Variants in VRK2 observed in about 807,000 individuals in gnomAD.
VRK2 encodes the protein serine/threonine-protein kinase VRK2.
In VRK2, 60 loss-of-function variants were observed where a neutral mutation model predicts 57.6. That is an observed-to-expected ratio of 1.04 (90% CI 0.85 to 1.29). The LOEUF (loss-of-function observed/expected upper bound fraction) is 1.29. Among genes scored for constraint, VRK2 ranks in the 50% most tolerant of loss-of-function variants. VRK2 has a pLI of 0.00. For synonymous variants in VRK2, 231 were observed against 199.2 expected (o/e 1.16, Z -1.35); for missense variants, 705 against 588.1 (o/e 1.20, Z -2.06).
At chr2:57,974,313 G>C (rs1296815156) in intron 1 of VRK2, among the ~76,000 whole-genome samples, 1 of 151,754 alleles carries the variant, frequency 6.6e-6, no homozygotes, top group Non-Finnish European at 1.5e-5. Flanking sequence ...AATTAAACAA[G>C]ATTTAATTGA....
rs1040921160 is a variant in VRK2 at position 58,021,637 on chromosome 2, C to A, written c.-438-4028C>A. Among the ~76,000 whole-genome samples, 14 of 152,114 alleles carry A rather than the reference C, an allele frequency of 9.2e-5. 1 individual carries two copies. Among genetic ancestry groups the A allele is most frequent in the Admixed American group, 3.3e-4 (5 of 15,272 alleles). ...TCTGTTAATATTAATTCTATCTTTT[C>A]TTTGTAATAGAACTTTCCCTCTTTT... On this transcript the variant is annotated intron_variant, in intron 1 of 15. Coordinates refer to the VRK2 transcript ENST00000417641.
intron 10 of VRK2, among the ~76,000 whole-genome samples, chr2:58,136,942 A>G (rs981939610): frequency 7.4e-5 from 10 of 135,964 alleles, no homozygotes; most frequent in South Asian, 2.2e-4. Context: ...CATATATATT[A>G]TATATCATAT....
rs1341174158 is a variant in VRK2, at chr2:58,122,030, A to G, written c.544-1071A>G. ...TGCTATCTGACTTTTAACAATCTGTATTCTGTTTGGAGACCCTGCTTGCAA... is the reference window on the plus strand; with the variant it reads ...TGCTATCTGACTTTTAACAATCTGTGTTCTGTTTGGAGACCCTGCTTGCAA... On this transcript the variant is annotated intron_variant, in intron 7 of 12. Transcript: ENST00000340157. Among the ~76,000 whole-genome samples the G allele has an allele frequency of 4.6e-5, 7 of 152,348 alleles. No homozygotes were observed. The South Asian group carries it at 6.2e-4, about 14-fold the overall frequency.
chr2:57,919,296 T>C (rs1213311358), intron 1 of VRK2, among the ~76,000 whole-genome samples: 1 of 152,140 alleles, frequency 6.6e-6, no homozygotes, highest in Non-Finnish European at 1.5e-5. Context: ...AATGGAAATA[T>C]ATTTTATAAT....
intron 1 of VRK2, among the ~76,000 whole-genome samples, chr2:57,952,285 CT>C (rs1021526892): frequency 1.3e-5 from 2 of 151,966 alleles, no homozygotes; most frequent in African/African-American, 2.4e-5. Context: ...CAAGGTATGC[CT>C]GTATAAAGGC....
At chr2:58,142,326 T>TG (rs1370201920) in intron 11 of VRK2, among the ~76,000 whole-genome samples, 2 of 149,166 alleles carry the variant, frequency 1.3e-5, no homozygotes, top group African/African-American at 4.9e-5. Flanking sequence ...AAGAAAAAGT[T>TG]TTTTTTTTTT....
chr2:58,154,633 A>G, intron 12 of VRK2: 1 of 640,834 alleles, frequency 1.6e-6, no homozygotes, highest in South Asian at 1.9e-5. Flanking sequence ...GTATTTTTTA[A>G]TTTTCCTGGG....
intron 1 of VRK2, among the ~76,000 whole-genome samples, chr2:57,931,092 G>A (rs1670708386): frequency 6.6e-6 from 1 of 152,098 alleles, no homozygotes; most frequent in African/African-American, 2.4e-5. Context: ...GGTGAATAAT[G>A]CTGCAATGAA....
chr2:58,109,044 T>G (rs1675169205), intron 7 of VRK2, among the ~76,000 whole-genome samples: 1 of 152,236 alleles, frequency 6.6e-6, no homozygotes. Flanking sequence ...CATTCATTTT[T>G]CTTTTTCTTT....
At chr2:58,034,367 C>T (rs936444580) in intron 3 of VRK2, among the ~76,000 whole-genome samples, 1 of 151,870 alleles carries the variant, frequency 6.6e-6, no homozygotes, top group Non-Finnish European at 1.5e-5. Flanking sequence ...CCAGTTTGCC[C>T]GCTACCGATT....
At chr2:57,929,461 T>C (rs114646098) in intron 1 of VRK2, among the ~76,000 whole-genome samples, 1 of 152,054 alleles carries the variant, frequency 6.6e-6, no homozygotes, top group African/African-American at 2.4e-5. Flanking sequence ...GAAAGTGGGG[T>C]TCCCTCTGGC....
intron 2 of VRK2, among the ~76,000 whole-genome samples, chr2:58,063,479 A>G (rs529990524): frequency 5.4e-4 from 82 of 152,040 alleles, no homozygotes; most frequent in African/African-American, 1.3e-3. Flanking sequence ...CATGTAACAG[A>G]TTTTCTCATG....
chr2:57,925,265 T>C (rs931140443), intron 1 of VRK2, among the ~76,000 whole-genome samples: 1 of 152,124 alleles, frequency 6.6e-6, no homozygotes, highest in Non-Finnish European at 1.5e-5. Context: ...TTTTTCAAAA[T>C]AGTTTGAGTA....
intron 2 of VRK2, among the ~76,000 whole-genome samples, chr2:58,069,272 C>T (rs775873865): frequency 6.6e-6 from 1 of 152,128 alleles, no homozygotes; most frequent in Non-Finnish European, 1.5e-5. Flanking sequence ...TTGTTCAGGT[C>T]ATGTGTGTTC....
At chr2:58,139,972 C>G (rs1681081870) in intron 11 of VRK2, 140 bp downstream of exon 11, 2 of 864,022 alleles carry the variant, frequency 2.3e-6, no homozygotes, top group Admixed American at 3.0e-5. Flanking sequence ...AACTCAGCAC[C>G]AAGAAAGTTT....
At chr2:58,112,924 T>C (rs1675788883) in intron 7 of VRK2, among the ~76,000 whole-genome samples, 1 of 152,216 alleles carries the variant, frequency 6.6e-6, no homozygotes, top group African/African-American at 2.4e-5. Context: ...AATAAAAGCC[T>C]GTCTGGGTGT....
At chr2:58,107,913 T>C (rs1193687266) in intron 7 of VRK2, among the ~76,000 whole-genome samples, 1 of 152,110 alleles carries the variant, frequency 6.6e-6, no homozygotes, top group Non-Finnish European at 1.5e-5. Flanking sequence ...TTTGAGCCAG[T>C]CTGGCTGCTT....
intron 7 of VRK2, among the ~76,000 whole-genome samples, chr2:58,114,995 G>C (rs1337704171): frequency 1.3e-5 from 2 of 152,130 alleles, no homozygotes; most frequent in Non-Finnish European, 2.9e-5. Context: ...GAGGGGGCCT[G>C]AATAATCCCT....
At chr2:57,930,977 T>C (rs563378156) in intron 1 of VRK2, among the ~76,000 whole-genome samples, 1 of 152,118 alleles carries the variant, frequency 6.6e-6, no homozygotes, top group Non-Finnish European at 1.5e-5. Flanking sequence ...ACTGAGTATT[T>C]TTATTATATA....
Sources: gnomAD v4.1 joint callset for allele counts (sites outside exome capture counted in the v4.1 genomes callset) on GRCh38, gnomAD v4.1.1 for gene constraint, MANE v1.5 for transcripts, NCBI Gene and HGNC (gene_info 2026-07-23, HGNC 2026-07-21) for gene names.